Variants in PCDHA9 observed in about 807,000 individuals in gnomAD.
The protein encoded by PCDHA9 is protocadherin alpha 9.
A neutral mutation model predicts 62.0 loss-of-function variants in PCDHA9; 62 were observed. That is an observed-to-expected ratio of 1.00 (90% CI 0.81 to 1.23). The LOEUF (loss-of-function observed/expected upper bound fraction) is 1.23. PCDHA9 is among the 50% of genes most tolerant of loss of function. The probability of loss-of-function intolerance (pLI) is 0.00; values close to 1 mark genes in which losing one functional copy is unlikely to be tolerated. For synonymous variants in PCDHA9, 557 were observed against 567.6 expected, an observed-to-expected ratio of 0.98 and a Z score of 0.27; for missense variants, 1,205 against 1,249.8, an observed-to-expected ratio of 0.96 and a Z score of 0.54.
intron 1 of PCDHA9, chr5:140,929,216 A>G: frequency 6.2e-7 from 1 of 1,614,100 alleles, no homozygotes; most frequent in Non-Finnish European, 8.5e-7. Flanking sequence ...CGTGGGGAGT[A>G]CAATGCTGCC....
Position 141,011,828 on chromosome 5 carries a change from T to C in PCDHA9, c.*1891T>C, listed in dbSNP as rs76856184. The C allele has an allele frequency of 2.5e-3, 389 of 153,920 alleles. 1 individual carries two copies. Among genetic ancestry groups the C allele is most frequent in the African/African-American group, 9.1e-3 (378 of 41,598 alleles). The allele number at this position is 153,920 out of a possible 1,614,324, so 9.5% of individuals were successfully genotyped here. ...GCTCATAGAAAGTAACAAAATTTGC[T>C]GTCACCTTAAATAAGACATTTTAAT... On this transcript the variant is annotated 3_prime_UTR_variant, in exon 4 of 4. Transcript: ENST00000532602.
At chr5:140,873,752 C>T (rs2054472285) in intron 1 of PCDHA9, among the ~76,000 whole-genome samples, 1 of 152,154 alleles carries the variant, frequency 6.6e-6, no homozygotes, top group Non-Finnish European at 1.5e-5. Flanking sequence ...TCTCCACCTC[C>T]CATGTTCAAG....
chr5:140,860,055 A>G (rs1466399941), intron 1 of PCDHA9: 6 of 151,228 alleles, frequency 4.0e-5, no homozygotes, highest in African/African-American at 1.2e-4. Context: ...TTGAGAGGCC[A>G]AGGTGGGAGG....
rs1356253349 is a variant in PCDHA9 at position 140,849,798 on chromosome 5, C to T, written c.1303C>T (p.Leu435=). 2.5e-6 allele frequency: 4 copies of T among 1,598,532 alleles called. No homozygotes were observed. Among genetic ancestry groups the T allele is most frequent in the Non-Finnish European group, 3.4e-6 (4 of 1,167,960 alleles). ...VTARDGGSPS[L]WATARVSVEV... ...CGCGCGGGACGGGGGCTCGCCTTCA[C>T]TGTGGGCCACGGCCAGGGTGTCTGT... Residue 435 remains leucine (L), a synonymous_variant, in exon 1 of 4, where the codon CTG becomes TTG. Transcript: ENST00000532602.
intron 1 of PCDHA9, among the ~76,000 whole-genome samples, chr5:140,942,896 C>CT (rs1554215262): frequency 6.6e-6 from 1 of 151,664 alleles, no homozygotes; most frequent in African/African-American, 2.4e-5. Flanking sequence ...AAATTTATCT[C>CT]TAAGAATAAG....
In PCDHA9 at chr5:140,926,298, C is replaced by G. The variant is rs1337047837; in HGVS notation, c.2395-52651C>G. 3.3e-5 allele frequency: 5 copies of G among 152,328 alleles called. No homozygotes were observed. In the East Asian group the frequency reaches 5.8e-4, roughly 18 times the overall value. The allele number at this position is 152,328 out of a possible 1,614,324, so 9.4% of individuals were successfully genotyped here. Reference sequence around the variant, plus strand: ...TCGGCAGCTCCACGCTGAGTCCCGCCCTCTCCGCCGGAGAGGTGCGCCGGG... The same window carrying G: ...TCGGCAGCTCCACGCTGAGTCCCGCGCTCTCCGCCGGAGAGGTGCGCCGGG... On this transcript the variant is annotated intron_variant, in intron 1 of 3. Coordinates refer to ENST00000532602, the MANE Select transcript of PCDHA9 (RefSeq NM_031857.2).
At chr5:140,876,647 A>T in intron 1 of PCDHA9, 1 of 1,614,178 alleles carries the variant, frequency 6.2e-7, no homozygotes, top group Non-Finnish European at 8.5e-7. Flanking sequence ...CTGACACCTC[A>T]TGTTCCCTTC....
rs371820170 is a variant in PCDHA9, at chr5:140,871,346, C to T, written c.2394+20457C>T. 1.1e-5 allele frequency: 17 copies of T among 1,614,104 alleles called. No homozygotes were observed. Among genetic ancestry groups the T allele is most frequent in the African/African-American group, 4.0e-5 (3 of 74,954 alleles). ...TGCTCCCGCGCGGTGGGGAGCTGGT[C>T]ATACTCGCAGCAGAGGCGGCAGAGG... is the stretch of plus-strand genomic sequence containing the variant. On this transcript the variant is annotated intron_variant, in intron 1 of 3. Transcript: ENST00000532602.
chr5:140,937,950 T>C (rs1483679576), intron 1 of PCDHA9, among the ~76,000 whole-genome samples: 1 of 152,164 alleles, frequency 6.6e-6, no homozygotes, highest in African/African-American at 2.4e-5. Flanking sequence ...AATTGGCTTT[T>C]GTTGAAAGTA....
chr5:140,901,839 A>T (rs578262204), intron 1 of PCDHA9, among the ~76,000 whole-genome samples: 1 of 152,108 alleles, frequency 6.6e-6, no homozygotes, highest in Non-Finnish European at 1.5e-5. Flanking sequence ...TAAACATGCA[A>T]TATCTTTCCA....
In PCDHA9 at chr5:140,982,477, C is replaced by G. The variant is rs782587733; in HGVS notation, c.2456C>G (p.Ser819Cys). ...SASLRAGMHS[S>C]VHLEEAGILR... ...TCTGGGTCTGTGTGTTTATTCAGCT[C>G]TGTGCACCTAGAGGAGGCTGGCATT... is the stretch of plus-strand genomic sequence containing the variant. Residue 819 changes from serine to cysteine, a missense_variant and splice_region_variant, in exon 3 of 4, where the codon TCT (serine) becomes TGT (cysteine). Coordinates refer to ENST00000532602, the MANE Select transcript of PCDHA9 (RefSeq NM_031857.2). 2 of 1,614,188 alleles carry G rather than the reference C, an allele frequency of 1.2e-6. No homozygotes were observed. Among genetic ancestry groups the G allele is most frequent in the Non-Finnish European group, 1.7e-6 (2 of 1,180,030 alleles).
chr5:140,865,572 A>T (rs2048923193), intron 1 of PCDHA9: 1 of 152,224 alleles, frequency 6.6e-6, no homozygotes, highest in African/African-American at 2.4e-5. Context: ...TCAGTAACTC[A>T]TGATAATAAA....
chr5:140,969,385 C>T, intron 1 of PCDHA9: 1 of 1,598,120 alleles, frequency 6.3e-7, no homozygotes, highest in Non-Finnish European at 8.5e-7. Flanking sequence ...TTACACATCC[C>T]CCAATATCCT....
intron 1 of PCDHA9, chr5:140,928,707 C>T: frequency 6.2e-7 from 1 of 1,614,184 alleles, no homozygotes; most frequent in South Asian, 1.1e-5. Flanking sequence ...GGGCGTCTGA[C>T]TCTAGTCTCT....
In PCDHA9 at chr5:140,876,046, C is replaced by T. The variant is rs781957967; in HGVS notation, c.2394+25157C>T. 1.5e-5 allele frequency: 24 copies of T among 1,613,720 alleles called. No individual in the cohort carries two copies. The Admixed American group carries it at 1.7e-4, about 11-fold the overall frequency. Reference sequence around the variant, plus strand: ...AACAAAAAAAGATAAAAGTATATTGCCTGAATTAGTTCTTCGGAAGTTATT... The same window carrying T: ...AACAAAAAAAGATAAAAGTATATTGTCTGAATTAGTTCTTCGGAAGTTATT... On this transcript the variant is annotated intron_variant, in intron 1 of 3. Transcript: ENST00000532602.
chr5:140,911,473 T>C (rs2075497981), intron 1 of PCDHA9, among the ~76,000 whole-genome samples: 1 of 152,180 alleles, frequency 6.6e-6, no homozygotes, highest in Non-Finnish European at 1.5e-5. Flanking sequence ...GATAAGACTC[T>C]CACTCAGGGC....
intron 3 of PCDHA9, among the ~76,000 whole-genome samples, chr5:140,999,965 T>C (rs1439660759): frequency 1.3e-5 from 2 of 151,684 alleles, no homozygotes; most frequent in African/African-American, 4.8e-5. Flanking sequence ...TACCCAGGAG[T>C]AGCAGCTCTA....
intron 1 of PCDHA9, among the ~76,000 whole-genome samples, chr5:140,913,922 A>G (rs2076507888): frequency 6.6e-6 from 1 of 151,936 alleles, no homozygotes; most frequent in South Asian, 2.1e-4. Context: ...ATTTTACTTC[A>G]TTGTGGTCAG....
intron 1 of PCDHA9, chr5:140,863,385 G>C: frequency 9.7e-7 from 1 of 1,030,864 alleles, no homozygotes; most frequent in Non-Finnish European, 1.4e-6. Context: ...CCGAGAGCTC[G>C]TGCATGCCGG....
Sources: gnomAD v4.1 joint callset for allele counts (sites outside exome capture counted in the v4.1 genomes callset) on GRCh38, gnomAD v4.1.1 for gene constraint, MANE v1.5 for transcripts, NCBI Gene and HGNC (gene_info 2026-07-23, HGNC 2026-07-21) for gene names.